Variants in ROBO1 observed in about 807,000 individuals in gnomAD.
The protein encoded by ROBO1 is roundabout homolog 1.
ROBO1 carries 149 observed loss-of-function variants against 195.9 expected under a neutral mutation model. That is an observed-to-expected ratio of 0.76 (90% CI 0.67 to 0.87). The LOEUF is 0.87. ROBO1 is among the 40% of genes least tolerant of loss of function. The pLI, the probability that ROBO1 is intolerant of heterozygous loss-of-function variation, is 0.00. For synonymous variants in ROBO1, 816 were observed against 733.2 expected (o/e 1.11, Z -1.82); for missense variants, 1,933 against 2,068.3 (o/e 0.93, Z 1.27).
intron 5 of ROBO1, among the ~76,000 whole-genome samples, chr3:78,745,034 G>C (rs115011030): frequency 0.075 from 11,337 of 152,128 alleles, 862 homozygotes; most frequent in African/African-American, 0.2. Context: ...TGTTGGCCGG[G>C]CGTGGTGGCT....
chr3:79,473,334 C>T (rs983991709), intron 2 of ROBO1, among the ~76,000 whole-genome samples: 1 of 152,044 alleles, frequency 6.6e-6, no homozygotes, highest in African/African-American at 2.4e-5. Flanking sequence ...TAGGAGAGAG[C>T]CATGAAGTAA....
intron 3 of ROBO1, among the ~76,000 whole-genome samples, chr3:79,104,168 G>C (rs1443473640): frequency 6.6e-6 from 1 of 151,714 alleles, no homozygotes; most frequent in Admixed American, 6.6e-5. Context: ...GAAAATAAGA[G>C]TAAACATAGT....
At chr3:79,176,542 C>T (rs2081264543) in intron 2 of ROBO1, among the ~76,000 whole-genome samples, 1 of 152,214 alleles carries the variant, frequency 6.6e-6, no homozygotes, top group African/African-American at 2.4e-5. Context: ...ACTGCAGCCT[C>T]TGCTTCCTGG....
chr3:79,333,959 T>C (rs1392101909), intron 2 of ROBO1, among the ~76,000 whole-genome samples: 2 of 152,170 alleles, frequency 1.3e-5, no homozygotes, highest in Non-Finnish European at 2.9e-5. Context: ...AACTCTCTTT[T>C]ACGTTCTTAA....
At chr3:78,730,242 G>C (rs554589778) in intron 5 of ROBO1, among the ~76,000 whole-genome samples, 22 of 152,234 alleles carry the variant, frequency 1.4e-4, no homozygotes, top group Middle Eastern at 3.4e-3. Flanking sequence ...TCTATAGTTT[G>C]GTCCAGTGTG....
intron 1 of ROBO1, among the ~76,000 whole-genome samples, chr3:79,726,816 A>G (rs569370257): frequency 1.3e-5 from 2 of 152,306 alleles, no homozygotes; most frequent in East Asian, 3.9e-4. Flanking sequence ...TAAAATCCAA[A>G]CAGAGGATGT....
chr3:78,603,893 C>T (rs1056265505), intron 29 of ROBO1, among the ~76,000 whole-genome samples: 4 of 151,852 alleles, frequency 2.6e-5, no homozygotes, highest in African/African-American at 4.8e-5. Context: ...AGTCTTACTT[C>T]GTTTGTTACA....
At chr3:78,973,497 C>CTA (rs1230599449) in intron 3 of ROBO1, among the ~76,000 whole-genome samples, 4 of 134,512 alleles carry the variant, frequency 3.0e-5, no homozygotes, top group Middle Eastern at 4.1e-3. Flanking sequence ...ATATAAGAAG[C>CTA]TATATATATA....
chr3:79,730,551 C>G (rs1703100860), intron 1 of ROBO1, among the ~76,000 whole-genome samples: 1 of 152,038 alleles, frequency 6.6e-6, no homozygotes, highest in South Asian at 2.1e-4. Context: ...AAATTTAACC[C>G]AAAATGAATG....
chr3:79,399,853 G>A (rs2037297416), intron 2 of ROBO1, among the ~76,000 whole-genome samples: 1 of 152,056 alleles, frequency 6.6e-6, no homozygotes, highest in Non-Finnish European at 1.5e-5. Context: ...CACTGAGATT[G>A]TTCTTAATTC....
chr3:79,663,077 T>G (rs1946378734), intron 1 of ROBO1, among the ~76,000 whole-genome samples: 1 of 152,208 alleles, frequency 6.6e-6, no homozygotes, highest in Admixed American at 6.6e-5. Context: ...TTATTTTCTT[T>G]ATAAAAATAA....
chr3:78,890,161 T>C (rs747891594), intron 4 of ROBO1, among the ~76,000 whole-genome samples: 18 of 152,278 alleles, frequency 1.2e-4, no homozygotes, highest in Middle Eastern at 3.4e-3. Flanking sequence ...GTGTGTTCAC[T>C]GCTGTATACT....
intron 3 of ROBO1, among the ~76,000 whole-genome samples, chr3:78,946,473 G>A (rs1299582110): frequency 2.0e-5 from 3 of 152,166 alleles, no homozygotes; most frequent in Non-Finnish European, 2.9e-5. Flanking sequence ...AGCAAATGCT[G>A]AGAGATTTTG....
At chr3:78,610,795 T>C (rs765067423) in intron 28 of ROBO1, among the ~76,000 whole-genome samples, 1 of 152,198 alleles carries the variant, frequency 6.6e-6, no homozygotes, top group Non-Finnish European at 1.5e-5. Context: ...CTGTACCTAA[T>C]TGACAATTAG....
At position 78,617,506 on chromosome 3, in the gene ROBO1, T is replaced by TAAAA. The variant is rs373038212; in HGVS notation, c.4282+125_4282+128dup. On this transcript the variant is annotated intron_variant, in intron 27 of 30. Coordinates refer to ENST00000464233, the MANE Select transcript of ROBO1 (RefSeq NM_002941.4). Reference sequence around the variant, plus strand: ...TTGGACTGTCATTTCCTTAGGCAGCTAAAAAAAAAAAAAAACTGTAAGAAT... The same window carrying TAAAA: ...TTGGACTGTCATTTCCTTAGGCAGCTAAAAAAAAAAAAAAAAAAACTGTAAGAAT... 3,209 of 719,690 alleles carry TAAAA rather than the reference T, an allele frequency of 4.5e-3. 1 individual carries two copies. The highest frequency in any genetic ancestry group is 6.6e-3 in the East Asian group (197 of 29,720). 44.6% of individuals were successfully genotyped at this position (719,690 alleles called of 1,614,324 possible). A position where few individuals can be genotyped will look rare whatever the true frequency, so the allele number is the denominator to read the frequency against.
chr3:79,064,534 A>T (rs1360494060), intron 3 of ROBO1, among the ~76,000 whole-genome samples: 1 of 151,854 alleles, frequency 6.6e-6, no homozygotes, highest in Non-Finnish European at 1.5e-5. Flanking sequence ...TAATTAAAAC[A>T]TTTTTTAAAT....
intron 3 of ROBO1, among the ~76,000 whole-genome samples, chr3:79,115,304 A>G (rs1326469399): frequency 2.0e-5 from 3 of 152,176 alleles, no homozygotes; most frequent in African/African-American, 7.2e-5. Context: ...TGGGGTGTTT[A>G]GAGGGGAGAA....
chr3:79,760,626 C>A (rs1463653569), intron 1 of ROBO1, among the ~76,000 whole-genome samples: 1 of 129,390 alleles, frequency 7.7e-6, no homozygotes, highest in African/African-American at 3.0e-5. Flanking sequence ...AAAAAAAAAA[C>A]CTGAATGTTC....
chr3:78,755,278 C>G (rs428171), intron 4 of ROBO1, among the ~76,000 whole-genome samples: 146,294 of 152,204 alleles, frequency 0.96, 70,322 homozygotes, highest in East Asian at 1. Flanking sequence ...GACCAGCCTG[C>G]GAAACATAGT....
Sources: allele counts gnomAD v4.1 joint callset (sites outside exome capture counted in the v4.1 genomes callset), GRCh38; gene constraint gnomAD v4.1.1; transcripts MANE v1.5; gene names NCBI Gene and HGNC (gene_info 2026-07-23, HGNC 2026-07-21).